The following RIMS1 variants were observed in gnomAD, a reference collection of about 807,000 sequenced individuals.
The protein encoded by RIMS1 is regulating synaptic membrane exocytosis 1.
Under a neutral mutation model 214.1 loss-of-function variants are expected in RIMS1, and 83 were observed. The ratio of observed to expected loss-of-function variants is 0.39; its 90% CI spans 0.32 to 0.47. The LOEUF is 0.47. RIMS1 is among the 20% of genes least tolerant of loss of function. RIMS1 has a pLI of 0.99. For missense variants in RIMS1, 2,050 were observed against 2,161.8 expected, an observed-to-expected ratio of 0.95 and a Z score of 1.03; for synonymous variants, 793 against 786.8, an observed-to-expected ratio of 1.01 and a Z score of -0.13.
rs372428719 is a variant in RIMS1 at position 72,078,732 on chromosome 6, G to A, written c.246-18217G>A. Among the ~76,000 whole-genome samples the A allele has an allele frequency of 3.3e-5, 5 of 152,142 alleles. No homozygotes were observed. In the East Asian group the frequency reaches 9.7e-4, roughly 29 times the overall value. On this transcript the variant is annotated intron_variant, in intron 2 of 33. Coordinates refer to ENST00000521978, the MANE Select transcript of RIMS1 (RefSeq NM_014989.7). The stretch of plus-strand genomic sequence containing the variant: ...CTTTATTTAAAGGAGCATTTTCTCA[G>A]CATCTGAACCAATTATACATGCCTA...
intron 29 of RIMS1, among the ~76,000 whole-genome samples, chr6:72,389,398 T>A (rs2098666194): frequency 6.6e-6 from 1 of 152,156 alleles, no homozygotes; most frequent in Non-Finnish European, 1.5e-5. Context: ...AAAATAAAAA[T>A]TTTAATGAAC....
intron 29 of RIMS1, among the ~76,000 whole-genome samples, chr6:72,387,090 A>C (rs1393967519): frequency 6.6e-6 from 1 of 152,140 alleles, no homozygotes; most frequent in Non-Finnish European, 1.5e-5. Flanking sequence ...CCTTTAAAGC[A>C]GGAAATTTCT....
At chr6:72,218,641 T>A (rs1463263789) in intron 6 of RIMS1, among the ~76,000 whole-genome samples, 1 of 152,216 alleles carries the variant, frequency 6.6e-6, no homozygotes, top group East Asian at 1.9e-4. Context: ...ATAATGATCA[T>A]GAATCTTCTG....
chr6:72,129,681 A>G (rs1217607176), intron 4 of RIMS1, among the ~76,000 whole-genome samples: 1 of 151,970 alleles, frequency 6.6e-6, no homozygotes, highest in Non-Finnish European at 1.5e-5. Context: ...TGCAGATGGG[A>G]CCCTATGTGA....
At chr6:72,263,247 C>T in intron 19 of RIMS1, 2 of 984,840 alleles carry the variant, frequency 2.0e-6, no homozygotes, top group Non-Finnish European at 2.4e-6. Context: ...TCTTTTCTCC[C>T]AAATTGTTTA....
chr6:71,953,204 G>A (rs942142344), intron 1 of RIMS1, among the ~76,000 whole-genome samples: 1 of 151,972 alleles, frequency 6.6e-6, no homozygotes, highest in African/African-American at 2.4e-5. Context: ...AGCCAGGCTG[G>A]TCTTGAACTC....
intron 26 of RIMS1, among the ~76,000 whole-genome samples, chr6:72,297,996 AG>A: frequency 6.6e-6 from 1 of 152,004 alleles, no homozygotes; most frequent in Non-Finnish European, 1.5e-5. Flanking sequence ...ACACAAGCCA[AG>A]GGGTTCATTA....
At chr6:72,183,778 T>C (rs140376659) in intron 6 of RIMS1, among the ~76,000 whole-genome samples, 301 of 152,042 alleles carry the variant, frequency 2.0e-3, no homozygotes, top group Middle Eastern at 6.8e-3. Flanking sequence ...TTTAATAAAA[T>C]AAGAAAAAGT....
intron 1 of RIMS1, among the ~76,000 whole-genome samples, chr6:71,905,097 A>G (rs762461445): frequency 6.6e-6 from 1 of 151,986 alleles, no homozygotes; most frequent in Non-Finnish European, 1.5e-5. Flanking sequence ...CCCTCCTCCC[A>G]TTTAAGCCAT....
intron 33 of RIMS1, 91 bp downstream of exon 33, chr6:72,399,185 G>T: frequency 1.8e-6 from 2 of 1,136,458 alleles, no homozygotes; most frequent in South Asian, 2.7e-5. Context: ...AATAAAATTT[G>T]GTAAAGATAA....
In RIMS1 at chr6:72,103,393, A is replaced by G. The variant is rs1345345329; in HGVS notation, c.471+3407A>G. On this transcript the variant is annotated intron_variant, in intron 4 of 33. Transcript: ENST00000521978. ...GTATGATTATTGCATATTGCATATT[A>G]TTGCATATTATCAAAGTTCTGGTTA... 3.9e-5 allele frequency among the ~76,000 whole-genome samples: 6 copies of G among 152,146 alleles called. No individual in the cohort carries two copies. The East Asian group carries it at 1.2e-3, about 29-fold the overall frequency.
At chr6:72,241,918 A>G (rs939122100) in intron 9 of RIMS1, among the ~76,000 whole-genome samples, 7 of 152,190 alleles carry the variant, frequency 4.6e-5, no homozygotes, top group Admixed American at 4.6e-4. Flanking sequence ...AGAATCTTTC[A>G]AAAATAGAGC....
intron 5 of RIMS1, among the ~76,000 whole-genome samples, chr6:72,180,907 A>G (rs1438537022): frequency 6.6e-6 from 1 of 152,096 alleles, no homozygotes; most frequent in Admixed American, 6.6e-5. Context: ...GGCAGTAAAA[A>G]CTCACTTGCA....
chr6:71,984,737 C>A lies in RIMS1; in HGVS notation c.245+15674C>A, dbSNP rs952418049. Among the ~76,000 whole-genome samples the A allele has an allele frequency of 1.5e-4, 19 of 127,902 alleles. 1 individual carries two copies. Among genetic ancestry groups the A allele is most frequent in the Non-Finnish European group, 1.6e-5 (1 of 61,624 alleles). 83.9% of individuals were successfully genotyped at this position (127,902 alleles called of 152,430 possible). A position where few individuals can be genotyped will look rare whatever the true frequency, so the allele number is the denominator to read the frequency against. ...ATTGTAAACCTTCATATCTATGTAT[C>A]CATCTGTGTATGTATGTATGTATGT... is the stretch of plus-strand genomic sequence containing the variant. On this transcript the variant is annotated intron_variant, in intron 2 of 33. Coordinates refer to ENST00000521978, the MANE Select transcript of RIMS1 (RefSeq NM_014989.7).
chr6:71,996,992 A>G (rs1803658105), intron 2 of RIMS1, among the ~76,000 whole-genome samples: 1 of 152,358 alleles, frequency 6.6e-6, no homozygotes, highest in Admixed American at 6.5e-5. Flanking sequence ...GGAATGACAG[A>G]TCAATTTTCA....
chr6:72,265,881 T>C, intron 21 of RIMS1, 79 bp from the exon 22 acceptor site: 10 of 983,050 alleles, frequency 1.0e-5, no homozygotes, highest in South Asian at 1.5e-5. Flanking sequence ...ATTTTATGCT[T>C]TACTCTCTAA....
chr6:72,099,753 C>CAT, intron 3 of RIMS1, among the ~76,000 whole-genome samples: 1 of 152,188 alleles, frequency 6.6e-6, no homozygotes, highest in Non-Finnish European at 1.5e-5. Flanking sequence ...TTGTATCTAA[C>CAT]ATATAGCAGG....
Position 72,131,228 on chromosome 6 carries a change from C to A in RIMS1, c.471+31242C>A, listed in dbSNP as rs144376926. On this transcript the variant is annotated intron_variant, in intron 4 of 33. Transcript: ENST00000521978. ...TATACTGAGCATAGTGGAAAGTGGA[C>A]CTGTTTCTCTCTAAAGATAAAGTAG... is the stretch of plus-strand genomic sequence containing the variant. 7.9e-5 allele frequency among the ~76,000 whole-genome samples: 12 copies of A among 152,200 alleles called. 1 individual carries two copies. The East Asian group carries it at 2.1e-3, about 27-fold the overall frequency.
chr6:72,354,726 G>A (rs1471347523), intron 29 of RIMS1, among the ~76,000 whole-genome samples: 2 of 152,068 alleles, frequency 1.3e-5, no homozygotes, highest in Admixed American at 1.3e-4. Context: ...TATTCACCTT[G>A]TATTTGTAAA....
Sources: gnomAD v4.1 joint callset for allele counts (sites outside exome capture counted in the v4.1 genomes callset) on GRCh38, gnomAD v4.1.1 for gene constraint, MANE v1.5 for transcripts, NCBI Gene and HGNC (gene_info 2026-07-23, HGNC 2026-07-21) for gene names.